The following PTER variants were observed in gnomAD, a reference collection of about 807,000 sequenced individuals.
PTER encodes N-acetyltaurine hydrolase.
In PTER, 38 loss-of-function variants were observed where a neutral mutation model predicts 29.6. The observed-to-expected ratio is 1.28, with a 90% confidence interval of 0.99 to 1.68. The LOEUF is 1.68. Ranked by LOEUF, PTER falls within the 40% of genes most tolerant of loss-of-function variation. PTER has a pLI of 0.00. For synonymous variants in PTER, 172 were observed against 154.5 expected, an observed-to-expected ratio of 1.11 and a Z score of -0.84; for missense variants, 482 against 427.8, an observed-to-expected ratio of 1.13 and a Z score of -1.12.
chr10:16,504,990 A>T (rs780216319), intron 3 of PTER, 30 bp from the exon 4 acceptor site: 1 of 1,611,362 alleles, frequency 6.2e-7, no homozygotes, highest in South Asian at 1.1e-5. Flanking sequence ...GCTCTTCATA[A>T]TAACAGTTCA....
rs142451861 is a variant in PTER at position 16,506,144 on chromosome 10, G to C, written c.839+984G>C. ...TATCAAGGGAAATAAAGACTGAAAA[G>C]CATCCATTGGATTTCACAATTAGGA... On this transcript the variant is annotated intron_variant, in intron 4 of 4. Coordinates refer to ENST00000535784, the MANE Select transcript of PTER (RefSeq NM_001261836.2). Among the ~76,000 whole-genome samples the C allele has an allele frequency of 1.8e-3, 280 of 152,300 alleles. 1 individual carries two copies. The highest frequency in any genetic ancestry group is 6.5e-3 in the African/African-American group (271 of 41,586).
At chr10:16,458,618 A>G (rs117632908) in intron 1 of PTER, among the ~76,000 whole-genome samples, 43 of 152,350 alleles carry the variant, frequency 2.8e-4, no homozygotes, top group Admixed American at 1.1e-3. Flanking sequence ...TGAGACAGAG[A>G]CGTGCAATCC....
intron 1 of PTER, among the ~76,000 whole-genome samples, chr10:16,453,596 T>G (rs936476166): frequency 6.6e-6 from 1 of 152,204 alleles, no homozygotes; most frequent in African/African-American, 2.4e-5. Context: ...GTATTTTTAT[T>G]TCATGCATCT....
rs1835377265 is a variant in PTER, at chr10:16,478,889, T to C, written c.-48-5448T>C. Among the ~76,000 whole-genome samples the C allele has an allele frequency of 2.6e-5, 4 of 152,290 alleles. No individual in the cohort carries two copies. In the South Asian group the frequency reaches 8.3e-4, roughly 32 times the overall value. ...AATGGATTTACTTACCAGTTTAAGA[T>C]GAACACCTCACATCAAGGAATGCAG... On this transcript the variant is annotated intron_variant, in intron 1 of 4. Coordinates refer to ENST00000535784, the MANE Select transcript of PTER (RefSeq NM_001261836.2).
chr10:16,437,968 C>G (rs1833710075), intron 1 of PTER, among the ~76,000 whole-genome samples: 1 of 152,190 alleles, frequency 6.6e-6, no homozygotes, highest in Non-Finnish European at 1.5e-5. Flanking sequence ...GAGCCCTATT[C>G]TAGTTCTGGT....
At chr10:16,502,045 C>T (rs1836370756) in intron 3 of PTER, among the ~76,000 whole-genome samples, 1 of 152,170 alleles carries the variant, frequency 6.6e-6, no homozygotes, top group Non-Finnish European at 1.5e-5. Flanking sequence ...TTTACATTTA[C>T]CACGGACTTT....
chr10:16,476,901 C>CTCTCTCTCTTTTTTTTTTTTTTTTTT (rs1214090481), intron 1 of PTER, among the ~76,000 whole-genome samples: 1 of 100,368 alleles, frequency 1.0e-5, no homozygotes, highest in Admixed American at 1.0e-4. Context: ...TCCTAGAATT[C>CTCTCTCTCTTTTTTTTTTTTTTTTTT]TTTTTTTTTT....
intron 1 of PTER, among the ~76,000 whole-genome samples, chr10:16,483,339 C>A (rs1284231119): frequency 6.6e-6 from 1 of 152,104 alleles, no homozygotes; most frequent in African/African-American, 2.4e-5. Context: ...TCTGTGTGCC[C>A]TAGACAATCA....
At chr10:16,493,199 G>A (rs1835965276) in intron 3 of PTER, among the ~76,000 whole-genome samples, 1 of 152,088 alleles carries the variant, frequency 6.6e-6, no homozygotes, top group African/African-American at 2.4e-5. Context: ...TGGTTTCCTT[G>A]GAACTTACAC....
chr10:16,441,111 G>A (rs946490936), intron 1 of PTER, among the ~76,000 whole-genome samples: 5 of 152,216 alleles, frequency 3.3e-5, no homozygotes, highest in Non-Finnish European at 4.4e-5. Context: ...TTCTGTAAGG[G>A]CAGACCATGT....
intron 3 of PTER, among the ~76,000 whole-genome samples, chr10:16,493,252 T>C (rs17138721): frequency 0.11 from 17,489 of 152,188 alleles, 1,306 homozygotes; most frequent in East Asian, 0.37. Flanking sequence ...CGGGAAGTCA[T>C]TCAAAAACAA....
At chr10:16,446,416 C>T (rs1034628213) in intron 1 of PTER, among the ~76,000 whole-genome samples, 2 of 152,006 alleles carry the variant, frequency 1.3e-5, no homozygotes, top group African/African-American at 4.8e-5. Context: ...GACGTGTTTC[C>T]ACCATGTTGA....
rs114611271 is a variant in PTER at position 16,471,566 on chromosome 10, C to T, written c.-48-12771C>T. The stretch of plus-strand genomic sequence containing the variant: ...TATTTATGTGTAGATACATACACTC[C>T]GTATAAATTTTTATCGTATTTAAAA... On this transcript the variant is annotated intron_variant, in intron 1 of 4. Coordinates refer to ENST00000535784, the MANE Select transcript of PTER (RefSeq NM_001261836.2). 4.5e-3 allele frequency among the ~76,000 whole-genome samples: 691 copies of T among 152,148 alleles called. 6 individuals carry two copies. The highest frequency in any genetic ancestry group is 0.015 in the African/African-American group (643 of 41,496).
chr10:16,508,202 G>A (rs1373726589), intron 4 of PTER, among the ~76,000 whole-genome samples: 1 of 151,238 alleles, frequency 6.6e-6, no homozygotes, highest in Non-Finnish European at 1.5e-5. Context: ...CCGAGTAGCT[G>A]GGACTACAGG....
intron 1 of PTER, among the ~76,000 whole-genome samples, chr10:16,483,560 A>G (rs952659244): frequency 3.9e-5 from 6 of 152,210 alleles, no homozygotes; most frequent in Non-Finnish European, 8.8e-5. Flanking sequence ...TAGAAAGATC[A>G]GTTGTGGCCA....
At chr10:16,485,876 T>G (rs2133452981) in intron 2 of PTER, among the ~76,000 whole-genome samples, 1 of 152,246 alleles carries the variant, frequency 6.6e-6, no homozygotes, top group African/African-American at 2.4e-5. Context: ...GGAGGTTCAC[T>G]TGATCTCAGG....
intron 1 of PTER, among the ~76,000 whole-genome samples, chr10:16,478,335 G>GTTTTTTTT (rs34168657): frequency 7.1e-6 from 1 of 140,250 alleles, no homozygotes. Context: ...CCTCGTTTCC[G>GTTTTTTTT]TTTTTTTTTT....
At chr10:16,517,791 A>G (rs1279272684), downstream of PTER, among the ~76,000 whole-genome samples, 1 of 152,192 alleles carries the variant, frequency 6.6e-6, no homozygotes, top group African/African-American at 2.4e-5. Flanking sequence ...GACATTTGTA[A>G]TTTAATTAAT....
chr10:16,482,237 C>T (rs1231846821), intron 1 of PTER, among the ~76,000 whole-genome samples: 2 of 152,212 alleles, frequency 1.3e-5, no homozygotes, highest in Admixed American at 6.5e-5. Flanking sequence ...ATTGCAGTGG[C>T]TTGCTATAAA....
Sources: allele counts gnomAD v4.1 joint callset (sites outside exome capture counted in the v4.1 genomes callset), GRCh38; gene constraint gnomAD v4.1.1; transcripts MANE v1.5; gene names NCBI Gene and HGNC (gene_info 2026-07-23, HGNC 2026-07-21).